RTN1: variants seen among roughly 807,000 people sequenced by gnomAD.
The protein encoded by RTN1 is reticulon 1, also known as reticulon-1.
Under a neutral mutation model 65.5 loss-of-function variants are expected in RTN1, and 25 were observed. The ratio of observed to expected loss-of-function variants is 0.38; its 90% confidence interval spans 0.28 to 0.53. The LOEUF is 0.53. Ranked by LOEUF, RTN1 falls within the 20% of genes least tolerant of loss-of-function variation. RTN1 has a pLI of 0.79. For synonymous variants in RTN1, 471 were observed against 447.6 expected, an observed-to-expected ratio of 1.05 and a Z score of -0.66; for missense variants, 983 against 1,025.4, an observed-to-expected ratio of 0.96 and a Z score of 0.57.
intron 3 of RTN1, among the ~76,000 whole-genome samples, chr14:59,657,738 T>C (rs902879860): frequency 5.9e-5 from 9 of 152,172 alleles, no homozygotes; most frequent in Non-Finnish European, 1.0e-4. Context: ...TCCCATGGTC[T>C]TTGCAACCCG....
chr14:59,634,915 G>T (rs1882630478), intron 3 of RTN1, among the ~76,000 whole-genome samples: 1 of 152,170 alleles, frequency 6.6e-6, no homozygotes, highest in Non-Finnish European at 1.5e-5. Flanking sequence ...AATGTGCAGG[G>T]GCTAGATCAT....
At chr14:59,828,942 C>T (rs1887079882) in intron 1 of RTN1, among the ~76,000 whole-genome samples, 1 of 152,160 alleles carries the variant, frequency 6.6e-6, no homozygotes, top group South Asian at 2.1e-4. Context: ...AATGGAATCT[C>T]TCTCTCTGCC....
In RTN1 at chr14:59,816,946, TAATA is replaced by T. The variant is rs1256935750; in HGVS notation, c.241+53440_241+53443del. ...AGACCGTGACTCAAAATCAATTAAT[TAATA>T]AATAAAATACACAGTACCAATAAGG... On this transcript the variant is annotated intron_variant, in intron 1 of 8. Transcript: ENST00000267484. The surrounding 1 kb of genome is among the most constrained non-coding windows in gnomAD (Gnocchi z 4.3). 6.6e-6 allele frequency among the ~76,000 whole-genome samples: 1 copy of T among 152,148 alleles called. No homozygotes were observed. The highest frequency in any genetic ancestry group is 1.5e-5 in the Non-Finnish European group (1 of 68,024).
chr14:59,693,784 C>T (rs962003064), intron 3 of RTN1, among the ~76,000 whole-genome samples: 17 of 152,310 alleles, frequency 1.1e-4, no homozygotes, highest in African/African-American at 4.1e-4. Context: ...AAAGTTTTCT[C>T]CTTGTGGCTG....
In RTN1 at chr14:59,762,504, C is replaced by A. The variant is rs137889890; in HGVS notation, c.242-16023G>T. ...TTATTAGGAAGACAGCCAGAAGTGG[C>A]AGAAGCAGAACTCAGATTTAGGGCA... On this transcript the variant is annotated intron_variant, in intron 1 of 8. Transcript: ENST00000267484. Among the ~76,000 whole-genome samples the A allele has an allele frequency of 8.8e-4, 134 of 152,214 alleles. 2 individuals carry two copies. Among genetic ancestry groups the A allele is most frequent in the Admixed American group, 1.4e-3 (22 of 15,292 alleles).
At chr14:59,743,736 T>C (rs1341121736) in intron 2 of RTN1, among the ~76,000 whole-genome samples, 5 of 146,578 alleles carry the variant, frequency 3.4e-5, no homozygotes, top group Admixed American at 2.7e-4. Context: ...TTGTTTCCCC[T>C]GTTCCTCTGA....
At chr14:59,672,376 G>T (rs148489301) in intron 3 of RTN1, among the ~76,000 whole-genome samples, 107 of 152,228 alleles carry the variant, frequency 7.0e-4, no homozygotes, top group African/African-American at 2.6e-3. Flanking sequence ...CAAAGCCAGT[G>T]CAGGATCTCA....
intron 3 of RTN1, among the ~76,000 whole-genome samples, chr14:59,708,853 A>T (rs1375947186): frequency 6.6e-6 from 1 of 152,236 alleles, no homozygotes; most frequent in Non-Finnish European, 1.5e-5. Context: ...GAGGAATTTC[A>T]TAAGAAAATA....
rs2140153221 is a variant in RTN1 at position 59,596,001 on chromosome 14, T to C, written c.*744A>G. 1 of 152,802 alleles carries C rather than the reference T, an allele frequency of 6.5e-6. No homozygotes were observed. The highest frequency in any genetic ancestry group is 1.9e-4 in the East Asian group (1 of 5,184). The allele number at this position is 152,802 out of a possible 1,614,324, so 9.5% of individuals were successfully genotyped here. On this transcript the variant is annotated 3_prime_UTR_variant, in exon 9 of 9. Transcript: ENST00000267484. Reference sequence around the variant, plus strand: ...AACATTCTACATTTAGTAACATTTATTTATGCATTCAGTATCAAGTACATA... The same window carrying C: ...AACATTCTACATTTAGTAACATTTACTTATGCATTCAGTATCAAGTACATA...
chr14:59,757,375 T>C (rs1306351101), intron 1 of RTN1, among the ~76,000 whole-genome samples: 2 of 152,186 alleles, frequency 1.3e-5, no homozygotes, highest in Non-Finnish European at 2.9e-5. Context: ...TTTCATGAGA[T>C]CTGATGGTTT....
intron 3 of RTN1, among the ~76,000 whole-genome samples, chr14:59,637,310 A>G (rs1882685513): frequency 6.6e-6 from 1 of 152,154 alleles, no homozygotes; most frequent in South Asian, 2.1e-4. Context: ...TATTGCACCA[A>G]TTCAGTCATA....
At chr14:59,771,346 G>C (rs1885955161) in intron 1 of RTN1, among the ~76,000 whole-genome samples, 1 of 152,104 alleles carries the variant, frequency 6.6e-6, no homozygotes, top group African/African-American at 2.4e-5. Context: ...CAGAGTTGCT[G>C]GTAAACCCAT....
intron 3 of RTN1, among the ~76,000 whole-genome samples, chr14:59,679,552 G>A (rs915480519): frequency 3.3e-5 from 5 of 152,156 alleles, no homozygotes; most frequent in Non-Finnish European, 5.9e-5. Context: ...AAAAAGGGTT[G>A]AACAGTAAAA....
intron 3 of RTN1, among the ~76,000 whole-genome samples, chr14:59,612,290 T>C (rs1881974761): frequency 6.6e-6 from 1 of 152,332 alleles, no homozygotes; most frequent in African/African-American, 2.4e-5. Flanking sequence ...CCCACTGCTA[T>C]AGCACAAGTG....
chr14:59,839,224 A>C (rs1243369604), intron 1 of RTN1, among the ~76,000 whole-genome samples: 1 of 152,158 alleles, frequency 6.6e-6, no homozygotes, highest in Non-Finnish European at 1.5e-5. Context: ...TTCCTAACAA[A>C]TATATGCAGA....
At chr14:59,788,569 T>C (rs760331256) in intron 1 of RTN1, among the ~76,000 whole-genome samples, 15 of 152,202 alleles carry the variant, frequency 9.9e-5, no homozygotes, top group Admixed American at 3.3e-4. Context: ...TTTGAAGGGA[T>C]TTTTTCTTTC....
chr14:59,716,235 T>C (rs937564813), intron 3 of RTN1, among the ~76,000 whole-genome samples: 1 of 152,200 alleles, frequency 6.6e-6, no homozygotes. Context: ...GAAATCAATT[T>C]AGTTGGAAAA....
At chr14:59,655,006 A>G (rs900602829) in intron 3 of RTN1, among the ~76,000 whole-genome samples, 2 of 152,220 alleles carry the variant, frequency 1.3e-5, no homozygotes, top group African/African-American at 4.8e-5. Context: ...GACATTGAAA[A>G]TGAAGAAGTA....
rs1885160538 is a variant in RTN1 at position 59,743,781 on chromosome 14, G to T, written c.1015+1927C>A. ...GTGGTCCCAGTTCACCTGGGGAGCT[G>T]CTGGACTCCAGGGCTCGTCAGCACC... On this transcript the variant is annotated intron_variant, in intron 2 of 8. Transcript: ENST00000267484. 2.0e-5 allele frequency among the ~76,000 whole-genome samples: 3 copies of T among 152,150 alleles called. No individual in the cohort carries two copies. The South Asian group carries it at 6.2e-4, about 32-fold the overall frequency.
Sources: allele counts gnomAD v4.1 joint callset (sites outside exome capture counted in the v4.1 genomes callset), GRCh38; gene constraint gnomAD v4.1.1; non-coding constraint Gnocchi (gnomAD v3.1); transcripts MANE v1.5; gene names NCBI Gene and HGNC (gene_info 2026-07-23, HGNC 2026-07-21).